The following NRG1 variants were observed in gnomAD, a reference collection of about 807,000 sequenced individuals.
NRG1 encodes pro-neuregulin-1, membrane-bound isoform.
In NRG1, 18 loss-of-function variants were observed where a neutral mutation model predicts 63.8. That is an observed-to-expected ratio of 0.28 (90% CI 0.19 to 0.42). NRG1 has a LOEUF of 0.42. Among genes scored for constraint, NRG1 ranks in the 10% least tolerant of loss-of-function variants. The pLI is 1.00. For missense variants in NRG1, 762 were observed against 814.7 expected (o/e 0.94, Z 0.79); for synonymous variants, 302 against 301.3 (o/e 1.00, Z -0.02).
exon 10 of NRG1, chr8:32,759,311 C>T (rs79631951): frequency 6.1e-5 from 98 of 1,613,114 alleles, no homozygotes; most frequent in Non-Finnish European, 7.9e-5. Flanking sequence ...TCCAGCAATA[C>T]GTATCTAAAA....
intron 1 of NRG1, among the ~76,000 whole-genome samples, chr8:32,512,336 A>G (rs960474495): frequency 2.0e-5 from 3 of 152,240 alleles, no homozygotes; most frequent in African/African-American, 4.8e-5. Flanking sequence ...GGCAATATTA[A>G]TCATAACTTA....
rs190889000 is a variant in NRG1 at position 32,508,694 on chromosome 8, A to G, written c.38-87134A>G. Among the ~76,000 whole-genome samples, 12 of 152,080 alleles carry G rather than the reference A, an allele frequency of 7.9e-5. No individual in the cohort carries two copies. In the East Asian group the frequency reaches 2.3e-3, roughly 29 times the overall value. On this transcript the variant is annotated intron_variant, in intron 1 of 10. Coordinates refer to the NRG1 transcript ENST00000519301. ...AGGAAACCTACACTATTTATTTTTT[A>G]TACTTGTATATACTTTGTGGTTTTG...
chr8:32,427,465 C>CA (rs1817535296), intron 1 of NRG1, among the ~76,000 whole-genome samples: 1 of 152,070 alleles, frequency 6.6e-6, no homozygotes, highest in Non-Finnish European at 1.5e-5. Context: ...TTCCAGTGGC[C>CA]AACAAGCAGA....
intron 1 of NRG1, among the ~76,000 whole-genome samples, chr8:31,724,602 T>C (rs1813242204): frequency 7.0e-6 from 1 of 143,478 alleles, no homozygotes; most frequent in Non-Finnish European, 1.6e-5. Flanking sequence ...AATGAAAGGA[T>C]GCCAACATTT....
intron 1 of NRG1, among the ~76,000 whole-genome samples, chr8:32,042,027 T>C (rs2130686376): frequency 6.6e-6 from 1 of 151,956 alleles, no homozygotes; most frequent in South Asian, 2.1e-4. Flanking sequence ...CTCAGAAGAG[T>C]TTGAAAATGC....
exon 12 of NRG1, chr8:32,763,799 C>A (rs1454216146): frequency 1.3e-6 from 2 of 1,586,530 alleles, no homozygotes; most frequent in African/African-American, 1.3e-5. Flanking sequence ...TAGATTTCCA[C>A]ACGCCAAGCT....
intron 1 of NRG1, among the ~76,000 whole-genome samples, chr8:32,495,592 A>C (rs535930593): frequency 1.3e-5 from 2 of 152,202 alleles, no homozygotes; most frequent in African/African-American, 4.8e-5. Context: ...CCTCCCGAGC[A>C]GCTGGGATTA....
intron 1 of NRG1, among the ~76,000 whole-genome samples, chr8:32,179,779 T>G (rs1406487238): frequency 6.6e-6 from 1 of 152,206 alleles, no homozygotes; most frequent in Non-Finnish European, 1.5e-5. Flanking sequence ...GAAGCATAAG[T>G]GCCTTGTATC....
intron 1 of NRG1, among the ~76,000 whole-genome samples, chr8:32,299,842 CA>C (rs1423897426): frequency 1.3e-5 from 2 of 152,130 alleles, no homozygotes; most frequent in Non-Finnish European, 2.9e-5. Flanking sequence ...AATTCCCTTC[CA>C]CTGGGTCCCT....
intron 1 of NRG1, among the ~76,000 whole-genome samples, chr8:32,594,459 T>C (rs1318506555): frequency 6.6e-6 from 1 of 152,208 alleles, no homozygotes; most frequent in African/African-American, 2.4e-5. Context: ...TATTCATCTA[T>C]GCTTTTAAGA....
At chr8:32,275,192 A>G (rs1851962180) in intron 1 of NRG1, among the ~76,000 whole-genome samples, 1 of 152,188 alleles carries the variant, frequency 6.6e-6, no homozygotes, top group Non-Finnish European at 1.5e-5. Context: ...TTCCTCTCCA[A>G]GGAATTTGTC....
At chr8:32,562,513 T>C (rs1172731637) in intron 1 of NRG1, among the ~76,000 whole-genome samples, 1 of 152,048 alleles carries the variant, frequency 6.6e-6, no homozygotes, top group East Asian at 1.9e-4. Flanking sequence ...CCTCCCAAAG[T>C]GCTGGGATTA....
At chr8:32,113,163 C>G (rs1004467643) in intron 1 of NRG1, among the ~76,000 whole-genome samples, 2 of 152,146 alleles carry the variant, frequency 1.3e-5, no homozygotes, top group Non-Finnish European at 2.9e-5. Flanking sequence ...CCCTTTGTAT[C>G]TCTGTATCTC....
chr8:32,004,139 T>C (rs1056063620), intron 1 of NRG1, among the ~76,000 whole-genome samples: 2 of 151,782 alleles, frequency 1.3e-5, no homozygotes, highest in African/African-American at 4.8e-5. Flanking sequence ...CTGAAAAGGC[T>C]GTATGATTGC....
intron 1 of NRG1, among the ~76,000 whole-genome samples, chr8:32,258,742 C>A (rs1382247397): frequency 6.6e-6 from 1 of 152,144 alleles, no homozygotes; most frequent in Non-Finnish European, 1.5e-5. Context: ...GATCCAATCA[C>A]CTCCCACTAG....
exon 12 of NRG1, chr8:32,763,780 T>G (rs1391986934): frequency 6.4e-7 from 1 of 1,572,216 alleles, no homozygotes; most frequent in Non-Finnish European, 8.6e-7. Flanking sequence ...CCGGCTCGTA[T>G]GTCACCTGTA....
intron 1 of NRG1, among the ~76,000 whole-genome samples, chr8:31,920,235 G>A (rs1444313376): frequency 6.6e-6 from 1 of 151,786 alleles, no homozygotes; most frequent in Non-Finnish European, 1.5e-5. Flanking sequence ...TACTTGTACT[G>A]TTAGTTGCAC....
chr8:32,001,321 A>G (rs1812891769), intron 1 of NRG1, among the ~76,000 whole-genome samples: 1 of 151,858 alleles, frequency 6.6e-6, no homozygotes, highest in African/African-American at 2.4e-5. Context: ...ATGAGATCTG[A>G]TGGTTTTATA....
intron 1 of NRG1, among the ~76,000 whole-genome samples, chr8:32,140,755 T>A (rs11992707): frequency 0.022 from 3,397 of 152,242 alleles, 142 homozygotes; most frequent in African/African-American, 0.078. Context: ...GAGCCACCCA[T>A]GTACCTGGTT....
Sources: allele counts gnomAD v4.1 joint callset (sites outside exome capture counted in the v4.1 genomes callset), GRCh38; gene constraint gnomAD v4.1.1; transcripts MANE v1.5; gene names NCBI Gene and HGNC (gene_info 2026-07-23, HGNC 2026-07-21).